The following MOK variants were observed in gnomAD, a reference collection of about 807,000 sequenced individuals.
MOK encodes the protein MAPK/MAK/MRK overlapping kinase.
Under a neutral mutation model 54.2 loss-of-function variants are expected in MOK, and 59 were observed. That is an observed-to-expected ratio of 1.09 (90% confidence interval 0.88 to 1.35). The LOEUF is 1.35. Among genes scored for constraint, MOK ranks in the 40% most tolerant of loss-of-function variants. MOK has a pLI of 0.00. For missense variants in MOK, 517 were observed against 526.2 expected (o/e 0.98, Z 0.17); for synonymous variants, 210 against 202.7 (o/e 1.04, Z -0.31).
downstream of MOK, among the ~76,000 whole-genome samples, chr14:102,220,545 C>T (rs1455482832): frequency 6.6e-6 from 1 of 151,866 alleles, no homozygotes; most frequent in Non-Finnish European, 1.5e-5. This position sits in a 1 kb window ranked among gnomAD's most constrained non-coding sequence, Gnocchi z 4.2. Context: ...ACAGTGAAAC[C>T]CCATCTCTAC....
chr14:102,225,070 T>A (rs1402865121), downstream of MOK: 5 of 324,190 alleles, frequency 1.5e-5, no homozygotes, highest in South Asian at 1.3e-4. Flanking sequence ...TCTAGAATTA[T>A]TTTCTGTTTA....
At chr14:102,288,767 G>C (rs2070418566) in intron 1 of MOK, among the ~76,000 whole-genome samples, 1 of 152,220 alleles carries the variant, frequency 6.6e-6, no homozygotes, top group South Asian at 2.1e-4. Context: ...GGTTACCCTT[G>C]TGGGGTGAAG....
intron 7 of MOK, among the ~76,000 whole-genome samples, chr14:102,243,155 G>T (rs2065844098): frequency 6.6e-6 from 1 of 152,080 alleles, no homozygotes; most frequent in Non-Finnish European, 1.5e-5. Flanking sequence ...TTTCCTTCCT[G>T]GGCATGGTTA....
intron 1 of MOK, among the ~76,000 whole-genome samples, chr14:102,288,812 C>G (rs1490682444): frequency 6.6e-6 from 1 of 152,196 alleles, no homozygotes; most frequent in African/African-American, 2.4e-5. Context: ...ACCCATGATA[C>G]CAGTAACACT....
intron 1 of MOK, among the ~76,000 whole-genome samples, chr14:102,300,318 T>A (rs148476150): frequency 5.2e-4 from 54 of 103,874 alleles, no homozygotes; most frequent in African/African-American, 2.0e-3. Context: ...GGCAAAACTC[T>A]ATCTCAAAAA....
At chr14:102,277,617 CAAAA>C (rs560243565) in intron 2 of MOK, among the ~76,000 whole-genome samples, 1 of 95,534 alleles carries the variant, frequency 1.0e-5, no homozygotes, top group Non-Finnish European at 2.2e-5. Context: ...GACTCCGTCT[CAAAA>C]AAAAAAAAAA....
At chr14:102,277,291 G>C (rs755239898) in intron 2 of MOK, 1 of 152,062 alleles carries the variant, frequency 6.6e-6, no homozygotes, top group Non-Finnish European at 1.5e-5. Flanking sequence ...AAATTGTGTT[G>C]TACTCACAGA....
intron 1 of MOK, among the ~76,000 whole-genome samples, chr14:102,297,168 T>C (rs1217890136): frequency 6.6e-6 from 1 of 151,964 alleles, no homozygotes; most frequent in Non-Finnish European, 1.5e-5. Flanking sequence ...CCATCCTGGC[T>C]AACACGGTGA....
chr14:102,269,415 C>A (rs1045959348), intron 2 of MOK, among the ~76,000 whole-genome samples: 4 of 151,108 alleles, frequency 2.6e-5, no homozygotes, highest in Non-Finnish European at 4.4e-5. Context: ...CGACCCCCAA[C>A]CTGAGGTGAT....
chr14:102,283,567 T>C lies in MOK; in HGVS notation c.33A>G (p.Gly11=), dbSNP rs770377730. ...TCATAACTTCAGAAAACGTTCCCTC[T>C]CCTATTTTGCCAATTGCTTTATAGT... The part of the protein sequence containing the change: MKNYKAIGKI[G]EGTFSEVMKM... Residue 11 remains glycine, a synonymous_variant, in exon 2 of 12, where the codon GGA becomes GGG. Coordinates refer to ENST00000361847, the MANE Select transcript of MOK (RefSeq NM_014226.3). 1 of 1,613,144 alleles carries C rather than the reference T, an allele frequency of 6.2e-7. No homozygotes were observed. Among genetic ancestry groups the C allele is most frequent in the South Asian group, 1.1e-5 (1 of 90,966 alleles).
chr14:102,239,995 G>A (rs2065579793), intron 7 of MOK, among the ~76,000 whole-genome samples: 1 of 152,164 alleles, frequency 6.6e-6, no homozygotes, highest in Admixed American at 6.5e-5. Flanking sequence ...TATACATCCA[G>A]ATGGCCCGAA....
At chr14:102,217,851 C>T in the MOK span, among the ~76,000 whole-genome samples, 563 of 152,336 alleles carry the variant, frequency 3.7e-3, 3 homozygotes, top group Non-Finnish European at 6.0e-3. Flanking sequence ...GTTTCCGCAC[C>T]GTCTCTAAAA....
intron 1 of MOK, among the ~76,000 whole-genome samples, chr14:102,292,230 T>A (rs895393349): frequency 1.3e-5 from 2 of 151,762 alleles, no homozygotes; most frequent in Admixed American, 6.6e-5. Flanking sequence ...TCCTAGCACT[T>A]TGGGAGGCTG....
chr14:102,299,065 G>A (rs954931144), intron 1 of MOK, among the ~76,000 whole-genome samples: 3 of 152,174 alleles, frequency 2.0e-5, no homozygotes, highest in Non-Finnish European at 4.4e-5. Flanking sequence ...CTCACCGTGA[G>A]GGTCTGAGGT....
downstream of MOK, among the ~76,000 whole-genome samples, chr14:102,222,138 A>G (rs980691365): frequency 2.0e-5 from 3 of 147,458 alleles, no homozygotes; most frequent in African/African-American, 7.6e-5. The surrounding 1 kb of genome is among the most constrained non-coding windows in gnomAD (Gnocchi z 4.4). Flanking sequence ...CTAAAGAGCC[A>G]GATGCCCCCC....
At chr14:102,296,512 G>A (rs2071434315) in intron 1 of MOK, among the ~76,000 whole-genome samples, 1 of 152,070 alleles carries the variant, frequency 6.6e-6, no homozygotes, top group East Asian at 1.9e-4. Flanking sequence ...GGCAAATAGG[G>A]GAAGGTCCTG....
intron 2 of MOK, among the ~76,000 whole-genome samples, chr14:102,277,887 C>A (rs900035700): frequency 6.6e-6 from 1 of 152,132 alleles, no homozygotes; most frequent in African/African-American, 2.4e-5. Flanking sequence ...AACTGTATAA[C>A]GTTATAGATT....
chr14:102,270,724 T>G (rs2068283937), intron 2 of MOK, among the ~76,000 whole-genome samples: 1 of 152,082 alleles, frequency 6.6e-6, no homozygotes, highest in East Asian at 1.9e-4. Flanking sequence ...AAAATAAAAC[T>G]GGAAATTGAA....
intron 4 of MOK, among the ~76,000 whole-genome samples, chr14:102,253,195 T>G (rs955636858): frequency 6.6e-6 from 1 of 152,236 alleles, no homozygotes; most frequent in Non-Finnish European, 1.5e-5. Flanking sequence ...AGTGGAAATG[T>G]AGTAATTGTA....
Sources: gnomAD v4.1 joint callset for allele counts (sites outside exome capture counted in the v4.1 genomes callset) on GRCh38, gnomAD v4.1.1 for gene constraint, Gnocchi (gnomAD v3.1) non-coding constraint, MANE v1.5 for transcripts, NCBI Gene and HGNC (gene_info 2026-07-23, HGNC 2026-07-21) for gene names.